Variants in PHLDB3 observed in about 807,000 individuals in gnomAD.
The protein encoded by PHLDB3 is pleckstrin homology-like domain family B member 3.
In PHLDB3, 86 loss-of-function variants were observed where a neutral mutation model predicts 85.7. That is an observed-to-expected ratio of 1.00 (90% confidence interval 0.84 to 1.20). PHLDB3 has a LOEUF of 1.20. Ranked by LOEUF, PHLDB3 falls within the 50% of genes most tolerant of loss-of-function variation. PHLDB3 has a pLI of 0.00. For missense variants in PHLDB3, 995 were observed against 873.0 expected (o/e 1.14, Z -1.76); for synonymous variants, 376 against 349.8 (o/e 1.07, Z -0.83).
chr19:43,487,591 A>AAAAAAAAAAAAAACAAAAAAAC (rs1167897767), intron 9 of PHLDB3, among the ~76,000 whole-genome samples: 1 of 115,770 alleles, frequency 8.6e-6, no homozygotes, highest in Non-Finnish European at 1.9e-5. Context: ...AAAAAAAAAA[A>AAAAAAAAAAAAAACAAAAAAAC]ACACAGAAAA....
At chr19:43,490,042 AAAGG>A (rs143919159) in intron 9 of PHLDB3, among the ~76,000 whole-genome samples, 202 of 147,636 alleles carry the variant, frequency 1.4e-3, no homozygotes, top group African/African-American at 3.3e-3. Context: ...AGAGAGAGAA[AAAGG>A]AAGGAAGGAA....
Position 43,502,263 on chromosome 19 carries a change from T to C in PHLDB3, c.234A>G (p.Ile78Met), listed in dbSNP as rs1223426135. 14 of 1,562,522 alleles carry C rather than the reference T, an allele frequency of 9.0e-6. No individual in the cohort carries two copies. The highest frequency in any genetic ancestry group is 2.7e-5 in the African/African-American group (2 of 73,790). The stretch of plus-strand genomic sequence containing the variant: ...ATGCGGGAGGTGTGGCCGCCATAGC[T>C]ATCGGAGGCGTAGCCTCGGGCTGAA... Reference protein sequence around the residue: ...SRDAPEATPPIAMAATPPAST... With the variant: ...SRDAPEATPPMAMAATPPAST... The change falls in exon 3 of 16, where the codon ATA becomes ATG. Residue 78 changes from isoleucine to methionine, a missense_variant. Transcript: ENST00000292140.
intron 4 of PHLDB3, among the ~76,000 whole-genome samples, chr19:43,500,409 C>T (rs1345778715): frequency 3.9e-5 from 6 of 152,064 alleles, no homozygotes; most frequent in South Asian, 2.1e-4. Context: ...CACAGGCATG[C>T]GATCAGCCAT....
intron 4 of PHLDB3, chr19:43,501,499 T>C (rs1971597588): frequency 2.6e-6 from 2 of 765,806 alleles, no homozygotes; most frequent in African/African-American, 3.5e-5. Flanking sequence ...TGGAAGTTTT[T>C]ACACACCCAC....
chr19:43,494,810 C>G lies in PHLDB3; in HGVS notation c.1041G>C (p.Leu347=), dbSNP rs199588434. The G allele has an allele frequency of 6.2e-7, 1 of 1,610,588 alleles. No homozygotes were observed. Among genetic ancestry groups the G allele is most frequent in the Non-Finnish European group, 8.5e-7 (1 of 1,178,654 alleles). ...GCTGGCGGTCTGTCTTCTGGGTGAA[C>G]AGCAGCTGCAAGAGATGGGGTGAAG... ...SEPNPALTKL[L]FTQKTDRQLL... The change falls in exon 9 of 16, where the codon CTG becomes CTC. Residue 347 remains leucine, a synonymous_variant. Coordinates refer to ENST00000292140, the MANE Select transcript of PHLDB3 (RefSeq NM_198850.4).
chr19:43,492,526 A>C (rs1971344074), intron 9 of PHLDB3, among the ~76,000 whole-genome samples: 1 of 151,244 alleles, frequency 6.6e-6, no homozygotes, highest in South Asian at 2.1e-4. Context: ...ACACACTGGT[A>C]TTCTTAACAG....
At position 43,487,001 on chromosome 19, in the gene PHLDB3, G is replaced by A. The variant is rs765920532; in HGVS notation, c.1249+23C>T. On this transcript the variant is annotated intron_variant, in intron 10 of 15. Transcript: ENST00000292140. ...GGATGAGTGCTGATGTGGGAAGGAAGTGGGGAACAGGGGGATCCTCACCAG... is the reference window on the plus strand; with the variant it reads ...GGATGAGTGCTGATGTGGGAAGGAAATGGGGAACAGGGGGATCCTCACCAG... The A allele has an allele frequency of 4.6e-6, 7 of 1,518,614 alleles. No homozygotes were observed. The East Asian group carries it at 1.4e-4, about 30-fold the overall frequency. 94.1% of individuals were successfully genotyped at this position (1,518,614 alleles called of 1,614,324 possible). A position where few individuals can be genotyped will look rare whatever the true frequency, so the allele number is the denominator to read the frequency against.
intron 9 of PHLDB3, among the ~76,000 whole-genome samples, chr19:43,493,754 C>T (rs982715281): frequency 6.6e-6 from 1 of 150,714 alleles, no homozygotes; most frequent in Non-Finnish European, 1.5e-5. Context: ...AGCATATGTA[C>T]CCCATAAATA....
intron 1 of PHLDB3, 62 bp from the exon 2 acceptor site, chr19:43,504,194 G>A: frequency 1.4e-6 from 2 of 1,432,452 alleles, no homozygotes; most frequent in Middle Eastern, 2.5e-4. Context: ...AGCGCCGCTC[G>A]CGTCTGCTCC....
chr19:43,501,177 T>C (rs1362823284), intron 4 of PHLDB3, among the ~76,000 whole-genome samples: 2 of 17,976 alleles, frequency 1.1e-4, no homozygotes, highest in African/African-American at 4.4e-4. Flanking sequence ...CTTTTTCTCT[T>C]TTTTTTTTTT....
At position 43,504,217 on chromosome 19, in the gene PHLDB3, C is replaced by A. The variant is rs1252709781; in HGVS notation, c.-14-85G>T. ...TCGCGTCTGCTCCGGGGCGCGGAGACCCCCCCCCAAGGAGGCGGGGCCTAA... is the reference window on the plus strand; with the variant it reads ...TCGCGTCTGCTCCGGGGCGCGGAGAACCCCCCCCAAGGAGGCGGGGCCTAA... On this transcript the variant is annotated intron_variant, in intron 1 of 15. Transcript: ENST00000292140. 2.9e-6 allele frequency: 3 copies of A among 1,037,034 alleles called. No individual in the cohort carries two copies. The East Asian group carries it at 8.8e-5, about 30-fold the overall frequency. 64.2% of individuals were successfully genotyped at this position (1,037,034 alleles called of 1,614,324 possible).
At chr19:43,499,902 G>C (rs1390174495) in intron 4 of PHLDB3, among the ~76,000 whole-genome samples, 1 of 151,964 alleles carries the variant, frequency 6.6e-6, no homozygotes, top group African/African-American at 2.4e-5. Context: ...ACCACGCCCA[G>C]CTAATTTTTT....
Position 43,475,454 on chromosome 19 carries a change from T to C in PHLDB3, c.1879A>G (p.Met627Val). Residue 627 changes from methionine (M) to valine (V), a missense_variant, in exon 16 of 16, where the codon ATG becomes GTG. Physicochemically the swap from Met to Val is conservative, Grantham distance 21 (BLOSUM62 1). Coordinates refer to ENST00000292140, the MANE Select transcript of PHLDB3 (RefSeq NM_198850.4). Reference protein sequence around the residue: ...APSPEAMRIWMDVIVTAADEN... With the variant: ...APSPEAMRIWVDVIVTAADEN... ...TCAGCGGCGGTCACGATGACGTCCA[T>C]CCAAATGCGCATGGCTTCGGGGCTC... is the stretch of plus-strand genomic sequence containing the variant. The C allele has an allele frequency of 6.2e-7, 1 of 1,613,824 alleles. No individual in the cohort carries two copies. Among genetic ancestry groups the C allele is most frequent in the South Asian group, 1.1e-5 (1 of 91,084 alleles).
rs1125030 is a variant in PHLDB3, at chr19:43,495,482, A to C, written c.951+13T>G. ...TGAGGACGGTAGGGTAGGGCAGGTG[A>C]CAGGTAGCTCACCTGTGACAGGGCC... On this transcript the variant is annotated intron_variant, in intron 7 of 15. Transcript: ENST00000292140. 987,060 of 1,603,576 alleles carry C rather than the reference A, an allele frequency of 0.62. 304,961 individuals carry two copies. The highest frequency in any genetic ancestry group is 0.69 in the African/African-American group (51,630 of 74,762).
At chr19:43,488,397 C>A (rs535865427) in intron 9 of PHLDB3, among the ~76,000 whole-genome samples, 2 of 152,090 alleles carry the variant, frequency 1.3e-5, no homozygotes, top group South Asian at 4.2e-4. Flanking sequence ...GTCAAGGTTG[C>A]AGGGAGCTGA....
intron 9 of PHLDB3, among the ~76,000 whole-genome samples, chr19:43,489,368 AGTT>A (rs1198978116): frequency 3.6e-5 from 4 of 109,824 alleles, no homozygotes; most frequent in African/African-American, 1.4e-4. Context: ...TATCTCTTAA[AGTT>A]TTTTTTTTTT....
chr19:43,479,153 TG>T (rs1970985513), intron 14 of PHLDB3, among the ~76,000 whole-genome samples: 1 of 151,900 alleles, frequency 6.6e-6, no homozygotes, highest in South Asian at 2.1e-4. Flanking sequence ...GAATTCTGGG[TG>T]GCTTAAAGAG....
In PHLDB3 at chr19:43,486,602, C is replaced by T. The variant is rs1480326859; in HGVS notation, c.1428+7G>A. 3 of 1,610,956 alleles carry T rather than the reference C, an allele frequency of 1.9e-6. No homozygotes were observed. Among genetic ancestry groups the T allele is most frequent in the Non-Finnish European group, 2.5e-6 (3 of 1,179,008 alleles). ...TCTGTTCCGAAGAGGATGGCCTGGG[C>T]TCTCACCCGGGCCTTGAGCAGCCGC... On this transcript the variant is annotated splice_region_variant and intron_variant, in intron 12 of 15. Coordinates refer to ENST00000292140, the MANE Select transcript of PHLDB3 (RefSeq NM_198850.4).
At chr19:43,487,771 T>G (rs185563951) in intron 9 of PHLDB3, among the ~76,000 whole-genome samples, 32 of 151,954 alleles carry the variant, frequency 2.1e-4, no homozygotes, top group African/African-American at 7.5e-4. Context: ...TGCGCAACGT[T>G]GAATATACTA....
Sources: gnomAD v4.1 joint callset for allele counts (sites outside exome capture counted in the v4.1 genomes callset) on GRCh38, gnomAD v4.1.1 for gene constraint, MANE v1.5 for transcripts, NCBI Gene and HGNC (gene_info 2026-07-23, HGNC 2026-07-21) for gene names.